The following GRIN2B variants were observed in gnomAD, a reference collection of about 807,000 sequenced individuals.
GRIN2B encodes the protein glutamate receptor ionotropic, NMDA 2B.
A neutral mutation model predicts 114.5 loss-of-function variants in GRIN2B; 5 were observed. That is an observed-to-expected ratio of 0.04 (90% CI 0.02 to 0.09). The LOEUF is 0.09. Ranked by LOEUF, GRIN2B falls within the 10% of genes least tolerant of loss-of-function variation. The pLI, the probability that GRIN2B is intolerant of heterozygous loss-of-function variation, is 1.00. For synonymous variants in GRIN2B, 787 were observed against 745.1 expected, an observed-to-expected ratio of 1.06 and a Z score of -0.92; for missense variants, 1,108 against 1,943.5, an observed-to-expected ratio of 0.57 and a Z score of 8.08.
At chr12:13,626,545 G>T (rs1949568894) in intron 5 of GRIN2B, among the ~76,000 whole-genome samples, 1 of 152,108 alleles carries the variant, frequency 6.6e-6, no homozygotes. Context: ...CACTGACTTG[G>T]CAAGGTCTTC....
chr12:13,667,683 T>C (rs376027082), intron 5 of GRIN2B, among the ~76,000 whole-genome samples: 38 of 152,238 alleles, frequency 2.5e-4, no homozygotes, highest in African/African-American at 8.9e-4. Flanking sequence ...CTCAATATCC[T>C]AGGAAGAGAA....
chr12:13,803,270 C>T (rs1319623442), intron 3 of GRIN2B, among the ~76,000 whole-genome samples: 1 of 152,112 alleles, frequency 6.6e-6, no homozygotes, highest in Non-Finnish European at 1.5e-5. Context: ...AAAAGTTACA[C>T]ACAGATTTTT....
intron 3 of GRIN2B, among the ~76,000 whole-genome samples, chr12:13,821,080 C>T (rs1276004766): frequency 6.6e-6 from 1 of 151,902 alleles, no homozygotes; most frequent in African/African-American, 2.4e-5. Context: ...CTAAAATACC[C>T]CCTGCTCTTC....
rs200906752 is a variant in GRIN2B, at chr12:13,562,395, G to C, written c.*388C>G. ...GATCAGTTTGGGAAAAGCTACCTTTGTGCTCACATAGCCTCTTTTTGGTTC... is the reference window on the plus strand; with the variant it reads ...GATCAGTTTGGGAAAAGCTACCTTTCTGCTCACATAGCCTCTTTTTGGTTC... On this transcript the variant is annotated 3_prime_UTR_variant, in exon 14 of 14. Coordinates refer to ENST00000609686, the MANE Select transcript of GRIN2B (RefSeq NM_000834.5). The C allele has an allele frequency of 9.1e-6, 2 of 220,598 alleles. No homozygotes were observed. Among genetic ancestry groups the C allele is most frequent in the African/African-American group, 2.3e-5 (1 of 43,682 alleles). The allele number at this position is 220,598 out of a possible 1,614,324, so 13.7% of individuals were successfully genotyped here. A position where few individuals can be genotyped will look rare whatever the true frequency, so the allele number is the denominator to read the frequency against.
At chr12:13,754,575 T>G (rs1195445818) in intron 3 of GRIN2B, among the ~76,000 whole-genome samples, 1 of 95,424 alleles carries the variant, frequency 1.0e-5, no homozygotes, top group African/African-American at 5.9e-5. Context: ...CACTATGTGT[T>G]CTATAAACAT....
chr12:13,849,984 C>G (rs114752827), intron 3 of GRIN2B, among the ~76,000 whole-genome samples: 9 of 152,274 alleles, frequency 5.9e-5, no homozygotes, highest in Admixed American at 3.3e-4. Context: ...GATAAGCAAG[C>G]CTCTGATTAT....
chr12:13,719,243 C>A (rs1950487098), intron 4 of GRIN2B, among the ~76,000 whole-genome samples: 1 of 151,970 alleles, frequency 6.6e-6, no homozygotes, highest in Non-Finnish European at 1.5e-5. Flanking sequence ...GGAATCAGTC[C>A]CCTCTATAAA....
At chr12:13,718,633 G>A (rs955946596) in intron 4 of GRIN2B, among the ~76,000 whole-genome samples, 1 of 151,984 alleles carries the variant, frequency 6.6e-6, no homozygotes, top group Non-Finnish European at 1.5e-5. Context: ...AAACTATAAT[G>A]TTGCCTTGCA....
chr12:13,977,716 A>C (rs1863050742), intron 2 of GRIN2B, among the ~76,000 whole-genome samples: 1 of 152,146 alleles, frequency 6.6e-6, no homozygotes, highest in African/African-American at 2.4e-5. Flanking sequence ...TCAGAGCACC[A>C]CTGAGTCACA....
intron 4 of GRIN2B, among the ~76,000 whole-genome samples, chr12:13,724,980 TC>T (rs891712287): frequency 6.6e-6 from 1 of 152,028 alleles, no homozygotes; most frequent in Non-Finnish European, 1.5e-5. Flanking sequence ...CTCCTTTTCT[TC>T]CCCCTTCATC....
rs1950070902 is a variant in GRIN2B, at chr12:13,676,006, C to T, written c.1011-147G>A. The T allele has an allele frequency of 7.6e-6, 5 of 657,270 alleles. No homozygotes were observed. In the Admixed American group the frequency reaches 1.1e-4, roughly 14 times the overall value. The allele number at this position is 657,270 out of a possible 1,614,324, so 40.7% of individuals were successfully genotyped here. ...ATTATCAAATTTGGTACTTCTTGAACTCGCATTTGATTATGCAATAGAGTC... is the reference window on the plus strand; with the variant it reads ...ATTATCAAATTTGGTACTTCTTGAATTCGCATTTGATTATGCAATAGAGTC... On this transcript the variant is annotated intron_variant, in intron 4 of 13. Transcript: ENST00000609686.
intron 4 of GRIN2B, among the ~76,000 whole-genome samples, chr12:13,752,777 A>G (rs1196027454): frequency 6.6e-6 from 1 of 152,210 alleles, no homozygotes; most frequent in East Asian, 1.9e-4. Context: ...TCTTTAAAGA[A>G]AGAATATCCT....
chr12:13,540,377 G>A lies in GRIN2B; in HGVS notation c.*22406C>T, dbSNP rs1948261345. The A allele has an allele frequency of 6.6e-6, 1 of 151,670 alleles. No homozygotes were observed. Among genetic ancestry groups the A allele is most frequent in the Non-Finnish European group, 1.5e-5 (1 of 67,918 alleles). The allele number at this position is 151,670 out of a possible 1,614,324, so 9.4% of individuals were successfully genotyped here. A position where few individuals can be genotyped will look rare whatever the true frequency, so the allele number is the denominator to read the frequency against. On this transcript the variant is annotated 3_prime_UTR_variant, in exon 14 of 14. Transcript: ENST00000609686. ...CACAAAGTTTTTCTTGTTTTTTTAT[G>A]TTGTCTTTTTTTTAATTCGTTTTAA... is the stretch of plus-strand genomic sequence containing the variant.
At chr12:13,851,909 A>G (rs963966312) in intron 3 of GRIN2B, among the ~76,000 whole-genome samples, 3 of 151,938 alleles carry the variant, frequency 2.0e-5, no homozygotes, top group African/African-American at 7.2e-5. Flanking sequence ...CAGATGGAAG[A>G]CAGCAGAAAT....
chr12:13,757,830 T>TA (rs563177500), intron 3 of GRIN2B, among the ~76,000 whole-genome samples: 41 of 150,764 alleles, frequency 2.7e-4, no homozygotes, highest in East Asian at 1.6e-3. Context: ...CTAATAAGAA[T>TA]AAAAAAAAAG....
At chr12:13,802,329 CG>C (rs35914154) in intron 3 of GRIN2B, among the ~76,000 whole-genome samples, 10,269 of 151,846 alleles carry the variant, frequency 0.068, 513 homozygotes, top group East Asian at 0.16. Flanking sequence ...ATTGCAAAGG[CG>C]GGGGAAGTGG....
chr12:13,690,283 CACCACA>C (rs781771717), intron 4 of GRIN2B, among the ~76,000 whole-genome samples: 54 of 71,428 alleles, frequency 7.6e-4, no homozygotes, highest in Middle Eastern at 0.017. Flanking sequence ...TTCTATGTCA[CACCACA>C]CACACACACA....
intron 4 of GRIN2B, among the ~76,000 whole-genome samples, chr12:13,728,018 T>C (rs971974766): frequency 6.6e-6 from 1 of 152,188 alleles, no homozygotes; most frequent in African/African-American, 2.4e-5. Context: ...TGATCACATG[T>C]GGTATTTTGG....
intron 2 of GRIN2B, among the ~76,000 whole-genome samples, chr12:13,975,187 G>C (rs1386173537): frequency 6.6e-6 from 1 of 152,232 alleles, no homozygotes; most frequent in African/African-American, 2.4e-5. Context: ...ACCATGGTCT[G>C]TAATTAAAAG....
Sources: gnomAD v4.1 joint callset for allele counts (sites outside exome capture counted in the v4.1 genomes callset) on GRCh38, gnomAD v4.1.1 for gene constraint, MANE v1.5 for transcripts, NCBI Gene and HGNC (gene_info 2026-07-23, HGNC 2026-07-21) for gene names.